Variants in CXADR observed in about 807,000 individuals in gnomAD.
The protein encoded by CXADR is coxsackievirus and adenovirus receptor.
CXADR carries 20 observed loss-of-function variants against 40.3 expected under a neutral mutation model. That is an observed-to-expected ratio of 0.50 (90% CI 0.35 to 0.72). The LOEUF (loss-of-function observed/expected upper bound fraction) is 0.72. Among genes scored for constraint, CXADR ranks in the 30% least tolerant of loss-of-function variants. CXADR has a pLI of 0.01. For missense variants in CXADR, 332 were observed against 449.1 expected (o/e 0.74, Z 2.36); for synonymous variants, 150 against 161.3 (o/e 0.93, Z 0.53).
intron 1 of CXADR, among the ~76,000 whole-genome samples, chr21:17,526,730 C>G (rs1330313296): frequency 6.6e-6 from 1 of 152,172 alleles, no homozygotes; most frequent in African/African-American, 2.4e-5. Context: ...AGGAAATACA[C>G]TATTTGCTCA....
chr21:17,607,645 A>G, the CXADR span, among the ~76,000 whole-genome samples: 1 of 152,246 alleles, frequency 6.6e-6, no homozygotes, highest in African/African-American at 2.4e-5. Context: ...TACTTGCAAG[A>G]GCCCAGTGGC....
chr21:17,527,726 C>A (rs2824335), intron 1 of CXADR, among the ~76,000 whole-genome samples: 17,381 of 152,146 alleles, frequency 0.11, 1,209 homozygotes, highest in South Asian at 0.2. Flanking sequence ...ACCTTGGGAA[C>A]CCCTCATCCT....
Position 17,537,232 on chromosome 21 carries a change from G to A in CXADR, c.44-9795G>A, listed in dbSNP as rs1295997960. Among the ~76,000 whole-genome samples the A allele has an allele frequency of 3.3e-5, 5 of 151,990 alleles. No individual in the cohort carries two copies. The South Asian group carries it at 6.2e-4, about 19-fold the overall frequency. ...CTCTGATTTGTTGTTTTTATTATTG[G>A]TCCCAGACCAAAACAATCTCACTGT... On this transcript the variant is annotated intron_variant, in intron 1 of 6. Coordinates refer to ENST00000284878, the MANE Select transcript of CXADR (RefSeq NM_001338.5).
At chr21:17,530,490 T>C in intron 1 of CXADR, 2 of 435,972 alleles carry the variant, frequency 4.6e-6, no homozygotes, top group Non-Finnish European at 9.2e-6. Context: ...TGATGGACCC[T>C]TTTTCCCAGC....
At position 17,538,262 on chromosome 21, in the gene CXADR, A is replaced by G. The variant is rs189052110; in HGVS notation, c.44-8765A>G. Reference sequence around the variant, plus strand: ...TGATCCGCCTGCCTTGGCCTCCCACAGTGCTGGGATTACAGGTGTGAGCCA... The same window carrying G: ...TGATCCGCCTGCCTTGGCCTCCCACGGTGCTGGGATTACAGGTGTGAGCCA... On this transcript the variant is annotated intron_variant, in intron 1 of 6. Transcript: ENST00000284878. Among the ~76,000 whole-genome samples, 1,023 of 152,206 alleles carry G rather than the reference A, an allele frequency of 6.7e-3. 13 individuals carry two copies. The highest frequency in any genetic ancestry group is 0.024 in the African/African-American group (979 of 41,512).
chr21:17,552,690 G>C (rs1231533275), intron 3 of CXADR, among the ~76,000 whole-genome samples: 1 of 152,154 alleles, frequency 6.6e-6, no homozygotes, highest in Non-Finnish European at 1.5e-5. Context: ...AAACATAGCT[G>C]TCTAGCTCTC....
the CXADR span, among the ~76,000 whole-genome samples, chr21:17,609,938 A>G: frequency 1.3e-5 from 2 of 152,224 alleles, no homozygotes; most frequent in Non-Finnish European, 2.9e-5. Context: ...ATGTTTACCA[A>G]TTAAGGAATG....
chr21:17,515,426 C>T (rs571393767), intron 1 of CXADR, among the ~76,000 whole-genome samples: 3 of 151,476 alleles, frequency 2.0e-5, no homozygotes, highest in Non-Finnish European at 2.9e-5. Flanking sequence ...CGAGCCTGGG[C>T]GACAGAGTGA....
the CXADR span, among the ~76,000 whole-genome samples, chr21:17,629,671 A>G: frequency 6.6e-6 from 1 of 152,186 alleles, no homozygotes; most frequent in African/African-American, 2.4e-5. Context: ...TTTTAATTCT[A>G]TGAAAACATC....
At chr21:17,591,504 CAGA>C (rs1057356402) in intron 7 of CXADR, among the ~76,000 whole-genome samples, 11 of 151,994 alleles carry the variant, frequency 7.2e-5, no homozygotes, top group Admixed American at 5.2e-4. Flanking sequence ...CTTGGAACCA[CAGA>C]AGTTTACTAA....
chr21:17,635,409 A>G, the CXADR span, among the ~76,000 whole-genome samples: 1 of 152,160 alleles, frequency 6.6e-6, no homozygotes, highest in Non-Finnish European at 1.5e-5. Context: ...ATTTACCACA[A>G]TATTAATTTA....
the CXADR span, among the ~76,000 whole-genome samples, chr21:17,630,237 A>G: frequency 2.6e-5 from 4 of 152,212 alleles, no homozygotes; most frequent in African/African-American, 9.6e-5. Flanking sequence ...GAAGTGAAAA[A>G]TTTTAAACAT....
At chr21:17,578,756 A>C (rs1655400140) in intron 7 of CXADR, among the ~76,000 whole-genome samples, 2 of 152,136 alleles carry the variant, frequency 1.3e-5, no homozygotes, top group South Asian at 2.1e-4. Flanking sequence ...TTGAGCCCCA[A>C]GGGTGCAGTG....
chr21:17,577,465 TATGTCATATGTA>T (rs2061329634), intron 7 of CXADR, among the ~76,000 whole-genome samples: 1 of 152,110 alleles, frequency 6.6e-6, no homozygotes, highest in Admixed American at 6.5e-5. Context: ...TTTTTAATTT[TATGTCATATGTA>T]ATGTTGCATT....
downstream of CXADR, among the ~76,000 whole-genome samples, chr21:17,574,608 A>G (rs2061305211): frequency 6.6e-6 from 1 of 152,204 alleles, no homozygotes; most frequent in Admixed American, 6.5e-5. Flanking sequence ...ACTTGGACCT[A>G]AGTAGAAAAT....
intron 7 of CXADR, among the ~76,000 whole-genome samples, chr21:17,591,358 A>T (rs531704931): frequency 6.6e-6 from 1 of 152,154 alleles, no homozygotes; most frequent in Non-Finnish European, 1.5e-5. Flanking sequence ...TATTATCTGT[A>T]AAATGGACAG....
the CXADR span, chr21:17,612,354 G>A: frequency 2.0e-5 from 3 of 152,248 alleles, no homozygotes; most frequent in Admixed American, 2.0e-4. Context: ...ACACCGACGC[G>A]AAGGGGGTGG....
the CXADR span, among the ~76,000 whole-genome samples, chr21:17,621,830 T>G: frequency 6.6e-6 from 1 of 152,234 alleles, no homozygotes; most frequent in Non-Finnish European, 1.5e-5. Context: ...TCCAAGTATT[T>G]TGTTGTAGCA....
intron 7 of CXADR, among the ~76,000 whole-genome samples, chr21:17,589,096 TG>T (rs1255332590): frequency 6.6e-6 from 1 of 152,064 alleles, no homozygotes; most frequent in African/African-American, 2.4e-5. Flanking sequence ...TTCTTAATAA[TG>T]GGGTTTTCTC....
Sources: gnomAD v4.1 joint callset for allele counts (sites outside exome capture counted in the v4.1 genomes callset) on GRCh38, gnomAD v4.1.1 for gene constraint, MANE v1.5 for transcripts, NCBI Gene and HGNC (gene_info 2026-07-23, HGNC 2026-07-21) for gene names.